The following ZMAT4 variants were observed in gnomAD, a reference collection of about 807,000 sequenced individuals.
ZMAT4 encodes zinc finger matrin-type 4, also known as zinc finger matrin-type protein 4.
A neutral mutation model predicts 28.7 loss-of-function variants in ZMAT4; 17 were observed. That is an observed-to-expected ratio of 0.59 (90% confidence interval 0.41 to 0.89). ZMAT4 has a LOEUF of 0.89. Ranked by LOEUF, ZMAT4 falls within the 40% of genes least tolerant of loss-of-function variation. ZMAT4 has a pLI of 0.00. For missense variants in ZMAT4, 240 were observed against 283.8 expected, an observed-to-expected ratio of 0.85 and a Z score of 1.11; for synonymous variants, 117 against 109.2, an observed-to-expected ratio of 1.07 and a Z score of -0.44.
chr8:40,650,856 AC>A (rs1554533242), intron 5 of ZMAT4, among the ~76,000 whole-genome samples: 3 of 151,878 alleles, frequency 2.0e-5, no homozygotes. Context: ...TGCAGAAAAA[AC>A]CTTTGACAAA....
At chr8:40,719,589 G>GT (rs907330744) in intron 3 of ZMAT4, among the ~76,000 whole-genome samples, 21 of 151,400 alleles carry the variant, frequency 1.4e-4, no homozygotes, top group Non-Finnish European at 2.8e-4. Flanking sequence ...TTTGTTTTTT[G>GT]TTTTTTTTGA....
intron 6 of ZMAT4, among the ~76,000 whole-genome samples, chr8:40,568,380 C>T (rs902967114): frequency 6.6e-6 from 1 of 152,098 alleles, no homozygotes; most frequent in Non-Finnish European, 1.5e-5. Flanking sequence ...AATCGTCTTT[C>T]GAGACCTTTC....
At chr8:40,622,026 A>G (rs1806219564) in intron 5 of ZMAT4, among the ~76,000 whole-genome samples, 1 of 152,204 alleles carries the variant, frequency 6.6e-6, no homozygotes, top group South Asian at 2.1e-4. Context: ...TCACTATAAG[A>G]ACATTTATTA....
intron 1 of ZMAT4, among the ~76,000 whole-genome samples, chr8:40,878,216 T>C (rs897946277): frequency 1.3e-5 from 2 of 151,982 alleles, no homozygotes; most frequent in Non-Finnish European, 2.9e-5. Context: ...AGTCGAGGGG[T>C]GGCCTGAAAC....
chr8:40,764,423 T>C (rs1463448293), intron 3 of ZMAT4, among the ~76,000 whole-genome samples: 1 of 152,144 alleles, frequency 6.6e-6, no homozygotes, highest in Non-Finnish European at 1.5e-5. Context: ...ATGGCAACAA[T>C]AGACCTTAGA....
chr8:40,625,057 C>T (rs979261958), intron 5 of ZMAT4, among the ~76,000 whole-genome samples: 3 of 152,320 alleles, frequency 2.0e-5, no homozygotes, highest in Non-Finnish European at 2.9e-5. Context: ...GAAAAAGCGA[C>T]ATTTGAGTTG....
intron 5 of ZMAT4, among the ~76,000 whole-genome samples, chr8:40,628,004 CTG>C: frequency 6.6e-6 from 1 of 152,256 alleles, no homozygotes; most frequent in African/African-American, 2.4e-5. Flanking sequence ...TTTGAAATGT[CTG>C]CTCACAGAGA....
chr8:40,648,473 G>A (rs1246998575), intron 5 of ZMAT4, among the ~76,000 whole-genome samples: 1 of 151,390 alleles, frequency 6.6e-6, no homozygotes, highest in Admixed American at 6.6e-5. Flanking sequence ...GTGATGGGGA[G>A]AATGGAACCA....
intron 2 of ZMAT4, among the ~76,000 whole-genome samples, chr8:40,773,760 C>A (rs1813482071): frequency 6.6e-6 from 1 of 151,866 alleles, no homozygotes; most frequent in African/African-American, 2.4e-5. Context: ...TCTTGAAGGT[C>A]TTTCACTTTA....
At chr8:40,726,053 C>T (rs1057002058) in intron 3 of ZMAT4, among the ~76,000 whole-genome samples, 2 of 152,184 alleles carry the variant, frequency 1.3e-5, no homozygotes, top group African/African-American at 4.8e-5. Context: ...TTTCCATTAC[C>T]CCTTGTTGTT....
chr8:40,705,710 G>A (rs933556099), intron 3 of ZMAT4, among the ~76,000 whole-genome samples: 2 of 152,090 alleles, frequency 1.3e-5, no homozygotes, highest in African/African-American at 2.4e-5. Flanking sequence ...GCCTCACATA[G>A]CAATAATTTT....
chr8:40,834,146 C>T (rs916173779), intron 1 of ZMAT4, among the ~76,000 whole-genome samples: 1 of 152,230 alleles, frequency 6.6e-6, no homozygotes, highest in Non-Finnish European at 1.5e-5. Context: ...ATGCACCTCA[C>T]CCCAGCCGCG....
intron 6 of ZMAT4, among the ~76,000 whole-genome samples, chr8:40,538,285 C>T (rs1367820566): frequency 6.6e-6 from 1 of 152,182 alleles, no homozygotes; most frequent in Non-Finnish European, 1.5e-5. Context: ...TAGACAAACT[C>T]AACCAATTGT....
chr8:40,874,185 A>C (rs1817958135), intron 1 of ZMAT4, among the ~76,000 whole-genome samples: 1 of 152,190 alleles, frequency 6.6e-6, no homozygotes. Flanking sequence ...CTGAGCACTC[A>C]GCACCCCAGT....
chr8:40,707,192 C>T (rs1810394255), intron 3 of ZMAT4, among the ~76,000 whole-genome samples: 1 of 151,566 alleles, frequency 6.6e-6, no homozygotes, highest in Non-Finnish European at 1.5e-5. Context: ...TTCCTCACTC[C>T]CACAGAACTT....
intron 3 of ZMAT4, among the ~76,000 whole-genome samples, chr8:40,746,985 C>A (rs541164811): frequency 6.6e-6 from 1 of 152,134 alleles, no homozygotes; most frequent in Non-Finnish European, 1.5e-5. Flanking sequence ...TGATCTCTCC[C>A]CACGTGCTCT....
intron 5 of ZMAT4, among the ~76,000 whole-genome samples, chr8:40,595,130 G>T (rs1347250717): frequency 1.3e-5 from 2 of 152,122 alleles, no homozygotes; most frequent in Non-Finnish European, 2.9e-5. Flanking sequence ...TTTTTAAGGA[G>T]AGCACTCCAG....
In ZMAT4 at chr8:40,655,038, T is replaced by C. The variant is rs138592049; in HGVS notation, c.577+19666A>G. 2.1e-3 allele frequency among the ~76,000 whole-genome samples: 274 copies of C among 130,754 alleles called. 2 individuals carry two copies. Among genetic ancestry groups the C allele is most frequent in the Non-Finnish European group, 3.2e-3 (201 of 62,008 alleles). The allele number at this position is 130,754 out of a possible 152,430, so 85.8% of individuals were successfully genotyped here. A position where few individuals can be genotyped will look rare whatever the true frequency, so the allele number is the denominator to read the frequency against. ...TTGGGAGATAACATGATGTTGTATT[T>C]AGAAAATCCTAAGGAATACCTACAC... On this transcript the variant is annotated intron_variant, in intron 5 of 6. Coordinates refer to ENST00000297737, the MANE Select transcript of ZMAT4 (RefSeq NM_024645.3).
At chr8:40,717,513 TAG>T (rs1359000510) in intron 3 of ZMAT4, among the ~76,000 whole-genome samples, 1 of 151,836 alleles carries the variant, frequency 6.6e-6, no homozygotes, top group East Asian at 1.9e-4. Flanking sequence ...AAAAAATAAC[TAG>T]CCAGGTGTGG....
Sources: allele counts gnomAD v4.1 joint callset (sites outside exome capture counted in the v4.1 genomes callset), GRCh38; gene constraint gnomAD v4.1.1; transcripts MANE v1.5; gene names NCBI Gene and HGNC (gene_info 2026-07-23, HGNC 2026-07-21).